The following PPM1E variants were observed in gnomAD, a reference collection of about 807,000 sequenced individuals.
PPM1E encodes the protein protein phosphatase, Mg2+/Mn2+ dependent 1E.
Under a neutral mutation model 65.9 loss-of-function variants are expected in PPM1E, and 20 were observed. The observed-to-expected ratio is 0.30, with a 90% CI of 0.21 to 0.44. The LOEUF (loss-of-function observed/expected upper bound fraction) is 0.44, where lower values mean the gene tolerates loss of function less well. Among genes scored for constraint, PPM1E ranks in the 20% least tolerant of loss-of-function variants. PPM1E has a pLI of 1.00. For synonymous variants in PPM1E, 352 were observed against 374.9 expected (o/e 0.94, Z 0.70); for missense variants, 713 against 953.1 (o/e 0.75, Z 3.32).
At chr17:58,772,177 G>A (rs2049945297) in intron 1 of PPM1E, among the ~76,000 whole-genome samples, 1 of 151,526 alleles carries the variant, frequency 6.6e-6, no homozygotes, top group African/African-American at 2.4e-5. Flanking sequence ...TATAGATGCA[G>A]GCTGGGCGCG....
chr17:58,850,675 A>G (rs2050817991), intron 1 of PPM1E, among the ~76,000 whole-genome samples: 1 of 152,136 alleles, frequency 6.6e-6, no homozygotes, highest in Non-Finnish European at 1.5e-5. Context: ...TCCCTTTGTG[A>G]GTAACCCAAC....
chr17:58,954,263 T>G (rs551665224), intron 1 of PPM1E, among the ~76,000 whole-genome samples: 11 of 152,178 alleles, frequency 7.2e-5, no homozygotes, highest in African/African-American at 2.7e-4. Flanking sequence ...TTTCTCACTC[T>G]TTTTCTTCTC....
chr17:58,817,761 T>C (rs1292537542), intron 1 of PPM1E, among the ~76,000 whole-genome samples: 1 of 152,116 alleles, frequency 6.6e-6, no homozygotes, highest in Non-Finnish European at 1.5e-5. Context: ...CTCTAGTTTT[T>C]TTTTTTTTGA....
intron 1 of PPM1E, among the ~76,000 whole-genome samples, chr17:58,930,121 C>T (rs909003113): frequency 6.6e-6 from 1 of 151,922 alleles, no homozygotes; most frequent in African/African-American, 2.4e-5. Context: ...CTGGGCTGGG[C>T]GCGGTGGCTC....
Position 58,980,278 on chromosome 17 carries a change from G to T in PPM1E, c.1515G>T (p.Glu505Asp), listed in dbSNP as rs541132971. 5 of 1,614,190 alleles carry T rather than the reference G, an allele frequency of 3.1e-6. No individual in the cohort carries two copies. The highest frequency in any genetic ancestry group is 2.7e-5 in the African/African-American group (2 of 75,058). The change falls in exon 7 of 7, where the codon GAG becomes GAT. Residue 505 changes from glutamate to aspartate, a missense_variant. Transcript: ENST00000308249. This position sits in a 1 kb window ranked among gnomAD's most constrained non-coding sequence, Gnocchi z 4.7. Reference sequence around the variant, plus strand: ...TTAGTGAGGAATCAGATTGGACAGAGAACTCTTTTCAAGGAGGGCAAGAAG... The same window carrying T: ...TTAGTGAGGAATCAGATTGGACAGATAACTCTTTTCAAGGAGGGCAAGAAG... ...VNVSEESDWT[E>D]NSFQGGQEDG...
intron 1 of PPM1E, among the ~76,000 whole-genome samples, chr17:58,843,418 G>T (rs1057442584): frequency 6.6e-6 from 1 of 151,854 alleles, no homozygotes; most frequent in Non-Finnish European, 1.5e-5. Flanking sequence ...TACTTGGAAG[G>T]CTGAGGCAGG....
intron 1 of PPM1E, among the ~76,000 whole-genome samples, chr17:58,788,459 G>A (rs899328739): frequency 3.3e-5 from 5 of 152,098 alleles, no homozygotes; most frequent in South Asian, 4.1e-4. Flanking sequence ...CTTTCACTAC[G>A]GGTATAGTTT....
chr17:58,806,481 C>G (rs1471210024), intron 1 of PPM1E, among the ~76,000 whole-genome samples: 1 of 151,914 alleles, frequency 6.6e-6, no homozygotes, highest in Non-Finnish European at 1.5e-5. Flanking sequence ...TTCCAGCCTT[C>G]TGCTCTTCGT....
chr17:58,904,973 G>A (rs1028740193), intron 1 of PPM1E, among the ~76,000 whole-genome samples: 12 of 152,056 alleles, frequency 7.9e-5, no homozygotes, highest in Middle Eastern at 6.8e-3. Flanking sequence ...TTGGTGAGCC[G>A]AGGTCGTGCC....
intron 1 of PPM1E, among the ~76,000 whole-genome samples, chr17:58,905,439 C>A (rs2051547119): frequency 6.6e-6 from 1 of 151,952 alleles, no homozygotes; most frequent in African/African-American, 2.4e-5. Flanking sequence ...TTATCAAGTG[C>A]TTTTTCTGCA....
Position 58,901,390 on chromosome 17 carries a change from T to C in PPM1E, c.465-54259T>C, listed in dbSNP as rs554366191. Among the ~76,000 whole-genome samples, 35 of 152,320 alleles carry C rather than the reference T, an allele frequency of 2.3e-4. 1 individual carries two copies. In the South Asian group the frequency reaches 6.8e-3, roughly 30 times the overall value. ...GGGTTTTCTATTAAAAAATAAAAAATGGGCTGTGTGCGGTGGCTCACGCCT... is the reference window on the plus strand; with the variant it reads ...GGGTTTTCTATTAAAAAATAAAAAACGGGCTGTGTGCGGTGGCTCACGCCT... On this transcript the variant is annotated intron_variant, in intron 1 of 6. Transcript: ENST00000308249.
At chr17:58,979,629 C>A (rs1334883276) in intron 6 of PPM1E, among the ~76,000 whole-genome samples, 1 of 152,170 alleles carries the variant, frequency 6.6e-6, no homozygotes, top group African/African-American at 2.4e-5. Context: ...TGTCTTCCTA[C>A]ACAGTGTACT....
intron 1 of PPM1E, among the ~76,000 whole-genome samples, chr17:58,875,269 G>A (rs1011844948): frequency 2.0e-5 from 3 of 152,138 alleles, no homozygotes; most frequent in Non-Finnish European, 4.4e-5. Flanking sequence ...AGGCATCTAG[G>A]TCTCTCAAGG....
At chr17:58,762,095 C>A (rs2049827149) in intron 1 of PPM1E, among the ~76,000 whole-genome samples, 1 of 152,136 alleles carries the variant, frequency 6.6e-6, no homozygotes, top group Non-Finnish European at 1.5e-5. Context: ...ATTTTTAGGC[C>A]ATTACAAACT....
intron 1 of PPM1E, among the ~76,000 whole-genome samples, chr17:58,815,426 C>T (rs1039902138): frequency 4.6e-5 from 7 of 152,092 alleles, no homozygotes; most frequent in Non-Finnish European, 1.0e-4. Flanking sequence ...TTGGTACCCA[C>T]GACATAGTTT....
intron 1 of PPM1E, among the ~76,000 whole-genome samples, chr17:58,930,858 A>G (rs2051885375): frequency 6.6e-6 from 1 of 152,096 alleles, no homozygotes; most frequent in Non-Finnish European, 1.5e-5. Context: ...TTGTCTCTGA[A>G]GAATAAAGCT....
intron 1 of PPM1E, among the ~76,000 whole-genome samples, chr17:58,867,476 C>T (rs968619569): frequency 1.3e-5 from 2 of 152,176 alleles, no homozygotes; most frequent in East Asian, 3.9e-4. Flanking sequence ...TTATAGAATC[C>T]AAAACTACAG....
At chr17:58,928,157 A>G (rs1359766091) in intron 1 of PPM1E, among the ~76,000 whole-genome samples, 1 of 151,990 alleles carries the variant, frequency 6.6e-6, no homozygotes, top group Non-Finnish European at 1.5e-5. Context: ...ACTTGAGCCT[A>G]CAAGGTTGAG....
chr17:58,817,310 G>GT, intron 1 of PPM1E, among the ~76,000 whole-genome samples: 1 of 152,206 alleles, frequency 6.6e-6, no homozygotes, highest in South Asian at 2.1e-4. Flanking sequence ...GGATCATATG[G>GT]TAATTCTATG....
Sources: gnomAD v4.1 joint callset for allele counts (sites outside exome capture counted in the v4.1 genomes callset) on GRCh38, gnomAD v4.1.1 for gene constraint, Gnocchi (gnomAD v3.1) non-coding constraint, MANE v1.5 for transcripts, NCBI Gene and HGNC (gene_info 2026-07-23, HGNC 2026-07-21) for gene names.